Variants in ATG10 observed in about 807,000 individuals in gnomAD.
ATG10 encodes ubiquitin-like-conjugating enzyme ATG10.
Under a neutral mutation model 32.1 loss-of-function variants are expected in ATG10, and 30 were observed. The ratio of observed to expected loss-of-function variants is 0.94; its 90% CI spans 0.70 to 1.27. ATG10 has a LOEUF of 1.27. Among genes scored for constraint, ATG10 ranks in the 50% most tolerant of loss-of-function variants. ATG10 has a pLI of 0.00. For missense variants in ATG10, 233 were observed against 262.3 expected (o/e 0.89, Z 0.77); for synonymous variants, 87 against 91.5 (o/e 0.95, Z 0.28).
At chr5:82,151,610 CA>C (rs1767596650) in intron 3 of ATG10, among the ~76,000 whole-genome samples, 2 of 134,982 alleles carry the variant, frequency 1.5e-5, no homozygotes, top group Admixed American at 1.5e-4. Context: ...AAGTTTCCTG[CA>C]AAGAATCCCT....
At chr5:82,235,676 A>G (rs1746526671) in intron 5 of ATG10, among the ~76,000 whole-genome samples, 2 of 152,212 alleles carry the variant, frequency 1.3e-5, no homozygotes, top group South Asian at 2.1e-4. Flanking sequence ...AATTGACAGT[A>G]TCCTCTACTG....
chr5:82,033,308 T>A (rs1476391066), intron 2 of ATG10, among the ~76,000 whole-genome samples: 1 of 152,076 alleles, frequency 6.6e-6, no homozygotes, highest in South Asian at 2.1e-4. Flanking sequence ...TAATGCAAAA[T>A]TGGCACAATT....
chr5:82,246,830 C>G (rs1307031122), intron 5 of ATG10, among the ~76,000 whole-genome samples: 2 of 151,980 alleles, frequency 1.3e-5, no homozygotes, highest in Non-Finnish European at 2.9e-5. Flanking sequence ...TTTAGTATAT[C>G]TTATAAGGCA....
chr5:82,132,456 C>G (rs1032226666), intron 3 of ATG10, among the ~76,000 whole-genome samples: 1 of 149,316 alleles, frequency 6.7e-6, no homozygotes, highest in Admixed American at 6.7e-5. Context: ...TCCCTGTGTC[C>G]ATGTGTTCTC....
At chr5:82,188,089 C>T (rs1225211242) in intron 5 of ATG10, among the ~76,000 whole-genome samples, 3 of 152,104 alleles carry the variant, frequency 2.0e-5, no homozygotes, top group Non-Finnish European at 4.4e-5. Context: ...TTATTGGATT[C>T]CTATTGTATT....
At chr5:82,020,234 C>T (rs917127448) in intron 2 of ATG10, among the ~76,000 whole-genome samples, 1 of 152,198 alleles carries the variant, frequency 6.6e-6, no homozygotes, top group African/African-American at 2.4e-5. Flanking sequence ...TGAGTAAGAG[C>T]ATGCTTCATT....
At chr5:82,081,085 GT>G (rs1310980977) in intron 3 of ATG10, among the ~76,000 whole-genome samples, 3 of 152,158 alleles carry the variant, frequency 2.0e-5, no homozygotes, top group Non-Finnish European at 2.9e-5. Context: ...CACATCCCTT[GT>G]AAGTTGGATT....
intron 2 of ATG10, among the ~76,000 whole-genome samples, chr5:82,026,951 C>T (rs35017972): frequency 0.023 from 3,433 of 151,700 alleles, 66 homozygotes; most frequent in Non-Finnish European, 0.038. Flanking sequence ...TCCAGCTACT[C>T]GAGAGGCTGA....
chr5:82,100,697 A>G (rs1377880790), intron 3 of ATG10, among the ~76,000 whole-genome samples: 1 of 152,116 alleles, frequency 6.6e-6, no homozygotes, highest in Non-Finnish European at 1.5e-5. Context: ...TTAAAGAGAA[A>G]AAAGACTGAA....
At chr5:82,214,150 G>A (rs1209506135) in intron 5 of ATG10, among the ~76,000 whole-genome samples, 1 of 152,064 alleles carries the variant, frequency 6.6e-6, no homozygotes, top group Non-Finnish European at 1.5e-5. Context: ...CTTCCACATG[G>A]TAAACTTTGA....
chr5:82,048,242 C>T lies in ATG10; in HGVS notation c.109-10253C>T, dbSNP rs543749957. ...ATATGAACTTTAAAGTAGTTTTTTC[C>T]AATTCTGTGAAGAAAGTCATTGGTA... On this transcript the variant is annotated intron_variant, in intron 2 of 7. Transcript: ENST00000282185. 1.1e-3 allele frequency among the ~76,000 whole-genome samples: 154 copies of T among 138,056 alleles called. 2 individuals are homozygous for T. Among genetic ancestry groups the T allele is most frequent in the Admixed American group, 2.0e-3 (26 of 13,302 alleles). The allele number at this position is 138,056 out of a possible 152,430, so 90.6% of individuals were successfully genotyped here. A position where few individuals can be genotyped will look rare whatever the true frequency, so the allele number is the denominator to read the frequency against.
intron 3 of ATG10, among the ~76,000 whole-genome samples, chr5:82,075,034 G>A (rs879664047): frequency 6.6e-6 from 1 of 152,200 alleles, no homozygotes; most frequent in Non-Finnish European, 1.5e-5. Context: ...CCTCCTGGGT[G>A]TTGCACAGCT....
At chr5:82,023,027 T>C (rs1762492423) in intron 2 of ATG10, among the ~76,000 whole-genome samples, 1 of 150,678 alleles carries the variant, frequency 6.6e-6, no homozygotes, top group Non-Finnish European at 1.5e-5. Flanking sequence ...TATATATGTA[T>C]GTATATATAT....
intron 5 of ATG10, among the ~76,000 whole-genome samples, chr5:82,230,859 A>G (rs905555128): frequency 2.0e-5 from 3 of 152,060 alleles, no homozygotes; most frequent in Admixed American, 2.0e-4. Flanking sequence ...AGAAAGTTAT[A>G]AGGACTATGT....
At chr5:82,035,565 C>T (rs532881801) in intron 2 of ATG10, among the ~76,000 whole-genome samples, 3 of 151,860 alleles carry the variant, frequency 2.0e-5, no homozygotes, top group Non-Finnish European at 4.4e-5. Context: ...TTTTTTTATT[C>T]TAAAAGATGA....
intron 5 of ATG10, among the ~76,000 whole-genome samples, chr5:82,194,155 T>C (rs1022787855): frequency 6.6e-6 from 1 of 152,082 alleles, no homozygotes; most frequent in Non-Finnish European, 1.5e-5. Flanking sequence ...TGGAGACACA[T>C]TGGAACTATT....
intron 2 of ATG10, among the ~76,000 whole-genome samples, chr5:81,990,122 T>A (rs1463851880): frequency 3.9e-5 from 6 of 152,222 alleles, no homozygotes; most frequent in African/African-American, 1.4e-4. Flanking sequence ...TTCTCTCTAT[T>A]ATTTTATGCA....
intron 2 of ATG10, among the ~76,000 whole-genome samples, chr5:82,050,405 C>A (rs1763374013): frequency 6.6e-6 from 1 of 152,012 alleles, no homozygotes; most frequent in Non-Finnish European, 1.5e-5. Flanking sequence ...TCCCACATTC[C>A]TTCCTATTCT....
intron 2 of ATG10, among the ~76,000 whole-genome samples, chr5:82,042,142 A>G (rs1328221508): frequency 6.6e-6 from 1 of 152,194 alleles, no homozygotes; most frequent in Non-Finnish European, 1.5e-5. Flanking sequence ...ATTGACTCAC[A>G]GTTCTGCAGG....
Sources: allele counts gnomAD v4.1 joint callset (sites outside exome capture counted in the v4.1 genomes callset), GRCh38; gene constraint gnomAD v4.1.1; transcripts MANE v1.5; gene names NCBI Gene and HGNC (gene_info 2026-07-23, HGNC 2026-07-21).